The following NLGN1 variants were observed in gnomAD, a reference collection of about 807,000 sequenced individuals.
NLGN1 encodes the protein neuroligin-1.
Under a neutral mutation model 65.5 loss-of-function variants are expected in NLGN1, and 12 were observed. That is an observed-to-expected ratio of 0.18 (90% confidence interval 0.12 to 0.30). The LOEUF is 0.30. Ranked by LOEUF, NLGN1 falls within the 10% of genes least tolerant of loss-of-function variation. NLGN1 has a pLI of 1.00. For missense variants in NLGN1, 750 were observed against 1,007.1 expected (o/e 0.74, Z 3.46); for synonymous variants, 350 against 359.5 (o/e 0.97, Z 0.30).
chr3:173,967,812 T>C (rs1715215563), intron 4 of NLGN1, among the ~76,000 whole-genome samples: 1 of 152,208 alleles, frequency 6.6e-6, no homozygotes, highest in Admixed American at 6.5e-5. Context: ...ATTATGTGAT[T>C]TATCCTCATT....
chr3:174,143,331 T>A (rs562240527), intron 4 of NLGN1, among the ~76,000 whole-genome samples: 1 of 152,308 alleles, frequency 6.6e-6, no homozygotes, highest in South Asian at 2.1e-4. Context: ...AGGGAAAGTT[T>A]TATTTAAGAA....
intron 4 of NLGN1, among the ~76,000 whole-genome samples, chr3:174,100,032 T>C (rs973832478): frequency 6.6e-6 from 1 of 152,168 alleles, no homozygotes; most frequent in African/African-American, 2.4e-5. Flanking sequence ...TGGAAATGTA[T>C]GAAAGTATAA....
chr3:173,813,868 G>T (rs1452901307), intron 4 of NLGN1, among the ~76,000 whole-genome samples: 2 of 152,180 alleles, frequency 1.3e-5, no homozygotes, highest in African/African-American at 2.4e-5. Context: ...TTTATCATAT[G>T]GGTTGTATTT....
chr3:174,232,905 A>G (rs564922941), intron 4 of NLGN1, among the ~76,000 whole-genome samples: 1 of 152,342 alleles, frequency 6.6e-6, no homozygotes, highest in Non-Finnish European at 1.5e-5. Flanking sequence ...AAATTTCCCC[A>G]ACTTCGGACA....
chr3:173,990,502 C>T (rs761517419), intron 4 of NLGN1, among the ~76,000 whole-genome samples: 7 of 152,098 alleles, frequency 4.6e-5, no homozygotes, highest in South Asian at 2.1e-4. Context: ...ATATCACTTG[C>T]GTAACAATTC....
chr3:173,461,829 C>T (rs1723446880), intron 2 of NLGN1, among the ~76,000 whole-genome samples: 1 of 152,022 alleles, frequency 6.6e-6, no homozygotes, highest in African/African-American at 2.4e-5. Flanking sequence ...TTTTTCTTAC[C>T]TGTATAGGTT....
chr3:173,617,312 C>T (rs1411569662), intron 3 of NLGN1, among the ~76,000 whole-genome samples: 1 of 152,166 alleles, frequency 6.6e-6, no homozygotes, highest in Non-Finnish European at 1.5e-5. Context: ...TATTTACTCT[C>T]TCACTGCCCC....
chr3:173,431,703 GTGAA>G (rs1432245754), intron 1 of NLGN1, among the ~76,000 whole-genome samples: 1 of 152,118 alleles, frequency 6.6e-6, no homozygotes, highest in Non-Finnish European at 1.5e-5. Flanking sequence ...GTTATGAAGA[GTGAA>G]TCCACATTGA....
chr3:173,827,379 A>G (rs767989566), intron 4 of NLGN1, among the ~76,000 whole-genome samples: 1 of 152,064 alleles, frequency 6.6e-6, no homozygotes, highest in Non-Finnish European at 1.5e-5. Context: ...TGGGCAGGAG[A>G]TCAGAGAAAA....
intron 4 of NLGN1, among the ~76,000 whole-genome samples, chr3:174,154,408 G>A (rs1193714092): frequency 6.6e-6 from 1 of 151,950 alleles, no homozygotes; most frequent in Non-Finnish European, 1.5e-5. Flanking sequence ...CAAATAAATT[G>A]TTCCGTAGGT....
At chr3:173,731,673 T>A (rs1431927264) in intron 3 of NLGN1, among the ~76,000 whole-genome samples, 1 of 152,040 alleles carries the variant, frequency 6.6e-6, no homozygotes, top group African/African-American at 2.4e-5. Context: ...TGAGAAACAT[T>A]TTTCATTATT....
At chr3:174,039,185 C>G (rs1418713265) in intron 4 of NLGN1, among the ~76,000 whole-genome samples, 1 of 151,892 alleles carries the variant, frequency 6.6e-6, no homozygotes, top group African/African-American at 2.4e-5. Flanking sequence ...GTCCCATATA[C>G]CAGTTGCCTC....
intron 4 of NLGN1, among the ~76,000 whole-genome samples, chr3:174,114,653 G>A (rs748797217): frequency 3.9e-5 from 6 of 151,984 alleles, no homozygotes; most frequent in African/African-American, 9.6e-5. Context: ...GATTTTGCTC[G>A]CATAACTTCT....
intron 2 of NLGN1, among the ~76,000 whole-genome samples, chr3:173,505,658 A>C (rs1051783153): frequency 3.9e-5 from 6 of 151,962 alleles, no homozygotes; most frequent in African/African-American, 1.4e-4. Flanking sequence ...CCCATTACCT[A>C]AACTATTCTT....
intron 3 of NLGN1, among the ~76,000 whole-genome samples, chr3:173,624,993 C>G (rs1214770411): frequency 2.6e-5 from 4 of 152,024 alleles, no homozygotes; most frequent in Non-Finnish European, 5.9e-5. Context: ...TCTGGTCAGA[C>G]AGATGTGGAG....
At chr3:174,001,768 G>A (rs1027940931) in intron 4 of NLGN1, among the ~76,000 whole-genome samples, 3 of 152,118 alleles carry the variant, frequency 2.0e-5, no homozygotes, top group Non-Finnish European at 4.4e-5. Flanking sequence ...GTGGTGACAA[G>A]GAAATGGGAT....
chr3:173,447,578 T>G (rs1720620692), intron 2 of NLGN1, among the ~76,000 whole-genome samples: 1 of 151,368 alleles, frequency 6.6e-6, no homozygotes, highest in Non-Finnish European at 1.5e-5. Context: ...GAACTTTAGT[T>G]TTTTCCAATT....
At chr3:174,165,256 T>C (rs556244965) in intron 4 of NLGN1, among the ~76,000 whole-genome samples, 40 of 152,200 alleles carry the variant, frequency 2.6e-4, no homozygotes, top group African/African-American at 8.4e-4. Context: ...ATGGTGAGAA[T>C]GGACATCCTT....
chr3:173,537,145 C>A lies in NLGN1; in HGVS notation c.-320-67134C>A, dbSNP rs1048905856. On this transcript the variant is annotated intron_variant, in intron 2 of 6. Transcript: ENST00000457714. ...TCGCCCAGAAACACTCTCAAAGACA[C>A]ACACAAAAGAATGTCTGGGCACCTC... Among the ~76,000 whole-genome samples, 18 of 152,278 alleles carry A rather than the reference C, an allele frequency of 1.2e-4. No homozygotes were observed. In the East Asian group the frequency reaches 1.9e-3, roughly 16 times the overall value.
Sources: gnomAD v4.1 joint callset for allele counts (sites outside exome capture counted in the v4.1 genomes callset) on GRCh38, gnomAD v4.1.1 for gene constraint, MANE v1.5 for transcripts, NCBI Gene and HGNC (gene_info 2026-07-23, HGNC 2026-07-21) for gene names.